The following PRUNE2 variants were observed in gnomAD, a reference collection of about 807,000 sequenced individuals.
The protein encoded by PRUNE2 is prune homolog 2 with BCH domain, also known as protein prune homolog 2.
Under a neutral mutation model 252.0 loss-of-function variants are expected in PRUNE2, and 164 were observed. The ratio of observed to expected loss-of-function variants is 0.65; its 90% CI spans 0.57 to 0.74. The LOEUF is 0.74. Among genes scored for constraint, PRUNE2 ranks in the 30% least tolerant of loss-of-function variants. The probability of loss-of-function intolerance (pLI) is 0.00; values close to 1 mark genes in which losing one functional copy is unlikely to be tolerated. For synonymous variants in PRUNE2, 1,292 were observed against 1,350.2 expected (o/e 0.96, Z 0.94); for missense variants, 3,495 against 3,711.0 (o/e 0.94, Z 1.51).
chr9:76,766,773 T>C (rs1564251764), intron 6 of PRUNE2, among the ~76,000 whole-genome samples: 3 of 152,094 alleles, frequency 2.0e-5, no homozygotes, highest in Admixed American at 2.0e-4. Flanking sequence ...TTTTTTCATG[T>C]GTAGCTTCTT....
At chr9:76,847,529 T>C (rs1418929713) in intron 3 of PRUNE2, among the ~76,000 whole-genome samples, 1 of 151,912 alleles carries the variant, frequency 6.6e-6, no homozygotes, top group Non-Finnish European at 1.5e-5. Context: ...ATTTAGTGAG[T>C]AGACTAGCTG....
At chr9:76,848,179 G>A (rs573714051) in intron 3 of PRUNE2, among the ~76,000 whole-genome samples, 5 of 152,136 alleles carry the variant, frequency 3.3e-5, no homozygotes, top group African/African-American at 7.2e-5. Flanking sequence ...CAAGAGAATC[G>A]CCTGAACCTC....
intron 2 of PRUNE2, among the ~76,000 whole-genome samples, chr9:76,853,853 A>C (rs1035553565): frequency 6.6e-5 from 10 of 152,236 alleles, no homozygotes; most frequent in African/African-American, 2.4e-4. Flanking sequence ...GTTTTATTTG[A>C]AAACATTGAC....
chr9:76,690,795 T>TTA, intron 9 of PRUNE2, among the ~76,000 whole-genome samples: 1 of 152,196 alleles, frequency 6.6e-6, no homozygotes, highest in African/African-American at 2.4e-5. Context: ...GCTGCTGACT[T>TTA]CCAATGACAA....
chr9:76,638,838 G>A (rs1841299444), intron 12 of PRUNE2, among the ~76,000 whole-genome samples: 1 of 152,318 alleles, frequency 6.6e-6, no homozygotes, highest in African/African-American at 2.4e-5. Context: ...GAGTAGACAA[G>A]TAAAACACCT....
intron 6 of PRUNE2, among the ~76,000 whole-genome samples, chr9:76,725,647 A>C (rs1470452299): frequency 6.6e-6 from 1 of 152,162 alleles, no homozygotes; most frequent in African/African-American, 2.4e-5. Flanking sequence ...TCACTGATAA[A>C]CTTTATGACA....
chr9:76,631,373 G>A (rs935964921), intron 15 of PRUNE2, among the ~76,000 whole-genome samples: 5 of 152,118 alleles, frequency 3.3e-5, no homozygotes, highest in African/African-American at 9.7e-5. Flanking sequence ...CCTCAACCTG[G>A]ATTGCTCTTC....
At chr9:76,636,273 A>G (rs1487306939) in intron 15 of PRUNE2, among the ~76,000 whole-genome samples, 198 bp downstream of exon 15, 2 of 152,186 alleles carry the variant, frequency 1.3e-5, no homozygotes, top group East Asian at 3.9e-4. Context: ...GATCTGGGGG[A>G]AATATTCATC....
At chr9:76,813,998 G>T (rs180753554) in intron 6 of PRUNE2, among the ~76,000 whole-genome samples, 32 of 152,256 alleles carry the variant, frequency 2.1e-4, no homozygotes, top group Admixed American at 4.6e-4. Flanking sequence ...ATTTTTAGTA[G>T]AGACGGGGTT....
intron 18 of PRUNE2, among the ~76,000 whole-genome samples, chr9:76,615,972 G>T (rs1681420726): frequency 6.6e-6 from 1 of 151,956 alleles, no homozygotes; most frequent in Non-Finnish European, 1.5e-5. Context: ...GTTTCACCCT[G>T]TTGGCCAGGA....
chr9:76,882,599 A>T (rs1159414831), intron 1 of PRUNE2, among the ~76,000 whole-genome samples: 2 of 152,216 alleles, frequency 1.3e-5, no homozygotes, highest in African/African-American at 4.8e-5. Context: ...AAAGCGTCTC[A>T]CATGGTGGGA....
At chr9:76,752,287 C>T (rs375449408) in intron 6 of PRUNE2, among the ~76,000 whole-genome samples, 4 of 151,996 alleles carry the variant, frequency 2.6e-5, no homozygotes, top group Non-Finnish European at 4.4e-5. Context: ...TTAGTAGAGA[C>T]GGGGTTTCAC....
chr9:76,867,822 C>T (rs868187368), intron 1 of PRUNE2, among the ~76,000 whole-genome samples: 10 of 152,132 alleles, frequency 6.6e-5, no homozygotes, highest in Non-Finnish European at 1.0e-4. Context: ...CCGCCCACCT[C>T]GGCCTTCCAA....
At chr9:76,629,110 T>C in intron 16 of PRUNE2, 82 bp downstream of exon 16, 1 of 795,066 alleles carries the variant, frequency 1.3e-6, no homozygotes, top group Non-Finnish European at 2.0e-6. Flanking sequence ...CCCAAAGTGC[T>C]AGGATTACAG....
intron 6 of PRUNE2, among the ~76,000 whole-genome samples, chr9:76,777,387 G>A (rs1157719675): frequency 6.6e-6 from 1 of 152,120 alleles, no homozygotes; most frequent in East Asian, 1.9e-4. Context: ...AGGAGCACTG[G>A]CCAGCCATGC....
intron 6 of PRUNE2, among the ~76,000 whole-genome samples, chr9:76,797,752 G>A (rs1266222449): frequency 6.6e-6 from 1 of 151,208 alleles, no homozygotes; most frequent in Non-Finnish European, 1.5e-5. Context: ...CAGCAGTTCT[G>A]GTGCTATGTT....
chr9:76,679,364 T>G (rs994830261), intron 9 of PRUNE2, among the ~76,000 whole-genome samples: 1 of 152,198 alleles, frequency 6.6e-6, no homozygotes, highest in African/African-American at 2.4e-5. Flanking sequence ...ATTCTAAAAT[T>G]TATTTGAAAT....
At chr9:76,619,288 C>T in intron 18 of PRUNE2, 52 bp downstream of exon 18, 1 of 1,210,816 alleles carries the variant, frequency 8.3e-7, no homozygotes, top group Non-Finnish European at 1.2e-6. Context: ...CAGAGCCCAG[C>T]CATACAACAC....
At chr9:76,675,965 A>G (rs1392087292) in intron 9 of PRUNE2, among the ~76,000 whole-genome samples, 2 of 148,178 alleles carry the variant, frequency 1.3e-5, no homozygotes, top group Non-Finnish European at 3.0e-5. Flanking sequence ...ACCTAATGCT[A>G]GATGACGAGT....
Sources: gnomAD v4.1 joint callset for allele counts (sites outside exome capture counted in the v4.1 genomes callset) on GRCh38, gnomAD v4.1.1 for gene constraint, MANE v1.5 for transcripts, NCBI Gene and HGNC (gene_info 2026-07-23, HGNC 2026-07-21) for gene names.